TMCO4: variants seen among roughly 807,000 people sequenced by gnomAD.
The protein encoded by TMCO4 is transmembrane and coiled-coil domains 4.
Under a neutral mutation model 64.7 loss-of-function variants are expected in TMCO4, and 58 were observed. The ratio of observed to expected loss-of-function variants is 0.90; its 90% confidence interval spans 0.73 to 1.12. The LOEUF (loss-of-function observed/expected upper bound fraction) is 1.12, where lower values mean the gene tolerates loss of function less well. TMCO4 is among the 50% of genes most tolerant of loss of function. The pLI is 0.00. For synonymous variants in TMCO4, 325 were observed against 346.1 expected, an observed-to-expected ratio of 0.94 and a Z score of 0.68; for missense variants, 780 against 825.9, an observed-to-expected ratio of 0.94 and a Z score of 0.68.
chr1:19,695,408 G>A (rs1332307607), intron 14 of TMCO4, among the ~76,000 whole-genome samples: 2 of 152,192 alleles, frequency 1.3e-5, no homozygotes, highest in African/African-American at 4.8e-5. Flanking sequence ...GGGCCTTGCC[G>A]CCCAGCAAGT....
chr1:19,751,114 C>G (rs536207575), intron 7 of TMCO4, among the ~76,000 whole-genome samples: 1 of 152,208 alleles, frequency 6.6e-6, no homozygotes, highest in Non-Finnish European at 1.5e-5. Flanking sequence ...CAAGCCATTT[C>G]CAACTCCCCA....
At chr1:19,722,783 G>A (rs929679001) in intron 13 of TMCO4, among the ~76,000 whole-genome samples, 3 of 152,154 alleles carry the variant, frequency 2.0e-5, no homozygotes, top group Non-Finnish European at 4.4e-5. Flanking sequence ...GGAGGTGGTG[G>A]GATGTCTGGC....
chr1:19,738,515 G>A (rs1010350562), intron 12 of TMCO4: 1 of 152,226 alleles, frequency 6.6e-6, no homozygotes, highest in Non-Finnish European at 1.5e-5. Flanking sequence ...TGGTAAATTT[G>A]TGGTAATTTG....
At chr1:19,786,805 CA>C (rs1335864505) in intron 3 of TMCO4, among the ~76,000 whole-genome samples, 2 of 152,036 alleles carry the variant, frequency 1.3e-5, no homozygotes, top group Non-Finnish European at 2.9e-5. Context: ...TTTCTTGAGG[CA>C]AAAGTAAAAC....
chr1:19,798,805 T>G (rs1040712687), intron 1 of TMCO4, among the ~76,000 whole-genome samples: 7 of 152,258 alleles, frequency 4.6e-5, no homozygotes, highest in Non-Finnish European at 7.3e-5. Flanking sequence ...CGCTCCTTTT[T>G]GTTCACTGCT....
rs527848397 is a variant in TMCO4 at position 19,764,362 on chromosome 1, C to G, written c.382+6180G>C. On this transcript the variant is annotated intron_variant, in intron 6 of 15. Transcript: ENST00000294543. ...AGTAACAGCATCTACCTCCAAGGGT[C>G]ATTGTGGGGTTTCAACGAATTGGTT... 6.6e-5 allele frequency among the ~76,000 whole-genome samples: 10 copies of G among 152,352 alleles called. No homozygotes were observed. In the South Asian group the frequency reaches 2.1e-3, roughly 32 times the overall value.
chr1:19,749,262 A>C (rs951619469), intron 7 of TMCO4, among the ~76,000 whole-genome samples: 4 of 152,234 alleles, frequency 2.6e-5, no homozygotes, highest in African/African-American at 9.6e-5. Context: ...CCCTCTCTGC[A>C]GAAAGATTAT....
chr1:19,716,733 G>C (rs2095358556), intron 13 of TMCO4, among the ~76,000 whole-genome samples: 1 of 152,044 alleles, frequency 6.6e-6, no homozygotes, highest in South Asian at 2.1e-4. Context: ...CTCCCTCCAG[G>C]CTGGCCGTGC....
At chr1:19,724,147 G>A (rs1282682554) in intron 13 of TMCO4, among the ~76,000 whole-genome samples, 1 of 152,210 alleles carries the variant, frequency 6.6e-6, no homozygotes, top group Non-Finnish European at 1.5e-5. Flanking sequence ...TCACTCCCCT[G>A]AGAGCTGCCA....
At chr1:19,794,286 G>T (rs1437947920) in intron 2 of TMCO4, among the ~76,000 whole-genome samples, 1 of 152,158 alleles carries the variant, frequency 6.6e-6, no homozygotes, top group Non-Finnish European at 1.5e-5. Context: ...TAACCCAGCT[G>T]CTCCACTTTG....
intron 3 of TMCO4, among the ~76,000 whole-genome samples, chr1:19,782,101 C>A (rs1293916294): frequency 6.6e-6 from 1 of 152,208 alleles, no homozygotes; most frequent in African/African-American, 2.4e-5. Context: ...CGAAAAGACA[C>A]ATACATGAAT....
intron 15 of TMCO4, 87 bp downstream of exon 15, chr1:19,694,347 G>A (rs556731731): frequency 2.3e-5 from 26 of 1,155,196 alleles, no homozygotes; most frequent in Non-Finnish European, 3.2e-5. Context: ...GGACCAGGCT[G>A]GGGCCACTGT....
chr1:19,705,798 A>G (rs2095300198), intron 13 of TMCO4, among the ~76,000 whole-genome samples: 1 of 152,198 alleles, frequency 6.6e-6, no homozygotes. Flanking sequence ...AAAGGAAAAA[A>G]AAAAACAGTC....
At chr1:19,756,504 A>C (rs1484385487) in intron 6 of TMCO4, among the ~76,000 whole-genome samples, 4 of 152,208 alleles carry the variant, frequency 2.6e-5, no homozygotes, top group Non-Finnish European at 5.9e-5. Context: ...AATGCAGATG[A>C]TATTTAGTAA....
At chr1:19,724,963 T>G (rs2095402369) in intron 13 of TMCO4, among the ~76,000 whole-genome samples, 1 of 152,164 alleles carries the variant, frequency 6.6e-6, no homozygotes, top group Non-Finnish European at 1.5e-5. Context: ...GGTTTCACCA[T>G]GTTGGCCAGG....
Position 19,743,728 on chromosome 1 carries a change from T to C in TMCO4, c.877+1804A>G, listed in dbSNP as rs1305577524. Among the ~76,000 whole-genome samples, 1 of 152,210 alleles carries C rather than the reference T, an allele frequency of 6.6e-6. No individual in the cohort carries two copies. The highest frequency in any genetic ancestry group is 1.5e-5 in the Non-Finnish European group (1 of 68,048). ...CTGGGCTCTTGTTCTTGCTCCTTCC[T>C]GTAGCACGGTAAAATGAAAACAAAT... On this transcript the variant is annotated intron_variant, in intron 10 of 15. Coordinates refer to ENST00000294543, the MANE Select transcript of TMCO4 (RefSeq NM_181719.7). The surrounding 1 kb of genome is among the most constrained non-coding windows in gnomAD (Gnocchi z 4.1).
chr1:19,705,089 C>T (rs1175083477), intron 13 of TMCO4, among the ~76,000 whole-genome samples: 2 of 152,122 alleles, frequency 1.3e-5, no homozygotes, highest in Non-Finnish European at 2.9e-5. Context: ...CCACCTTAGA[C>T]CAGGGGTGTC....
At chr1:19,785,227 G>A (rs907391153) in intron 3 of TMCO4, among the ~76,000 whole-genome samples, 3 of 152,160 alleles carry the variant, frequency 2.0e-5, no homozygotes, top group African/African-American at 7.2e-5. Context: ...TTAGGTTGGT[G>A]CAAAAGTAAC....
At chr1:19,704,095 C>T (rs1039070478) in intron 13 of TMCO4, among the ~76,000 whole-genome samples, 2 of 152,194 alleles carry the variant, frequency 1.3e-5, no homozygotes, top group African/African-American at 4.8e-5. Context: ...GGGTTCCAGG[C>T]TGATAACAGT....
Sources: allele counts gnomAD v4.1 joint callset (sites outside exome capture counted in the v4.1 genomes callset), GRCh38; gene constraint gnomAD v4.1.1; non-coding constraint Gnocchi (gnomAD v3.1); transcripts MANE v1.5; gene names NCBI Gene and HGNC (gene_info 2026-07-23, HGNC 2026-07-21).